The following PAG1 variants were observed in gnomAD, a reference collection of about 807,000 sequenced individuals.
The protein encoded by PAG1 is phosphoprotein associated with glycosphingolipid-enriched microdomains 1.
Under a neutral mutation model 31.7 loss-of-function variants are expected in PAG1, and 23 were observed. The observed-to-expected ratio is 0.73, with a 90% CI of 0.52 to 1.03. The LOEUF (loss-of-function observed/expected upper bound fraction) is 1.03. PAG1 is among the 50% of genes least tolerant of loss of function. The probability of loss-of-function intolerance (pLI) is 0.00; values close to 1 mark genes in which losing one functional copy is unlikely to be tolerated. For synonymous variants in PAG1, 214 were observed against 210.3 expected (o/e 1.02, Z -0.15); for missense variants, 473 against 540.7 (o/e 0.87, Z 1.24).
At chr8:81,064,609 C>T (rs1176099158) in intron 2 of PAG1, among the ~76,000 whole-genome samples, 2 of 152,172 alleles carry the variant, frequency 1.3e-5, no homozygotes, top group Admixed American at 6.5e-5. Context: ...TTAACATAAA[C>T]GGTTAGATTC....
At chr8:81,014,776 C>T (rs1398282994) in intron 3 of PAG1, among the ~76,000 whole-genome samples, 3 of 152,182 alleles carry the variant, frequency 2.0e-5, no homozygotes, top group African/African-American at 2.4e-5. Context: ...TTCTTAATCA[C>T]TCCACCACTA....
At chr8:81,046,688 A>C (rs1487941180) in intron 2 of PAG1, among the ~76,000 whole-genome samples, 1 of 152,016 alleles carries the variant, frequency 6.6e-6, no homozygotes, top group Non-Finnish European at 1.5e-5. Context: ...TTAAATTTCC[A>C]ATTTTTATTT....
intron 2 of PAG1, among the ~76,000 whole-genome samples, chr8:81,051,990 C>T (rs1337270055): frequency 6.6e-6 from 1 of 151,648 alleles, no homozygotes. Flanking sequence ...ATTAGCCGGG[C>T]GTGGTGGTGG....
In PAG1 at chr8:80,990,885, C is replaced by T. The variant is rs905647728; in HGVS notation, c.177+594G>A. ...CATTTGGAAATAGGGTCATTGCAGA[C>T]GAAGCTAGTTAATATGAGGTCGTGC... On this transcript the variant is annotated intron_variant, in intron 5 of 8. Transcript: ENST00000220597. This position sits in a 1 kb window ranked among gnomAD's most constrained non-coding sequence, Gnocchi z 5.1. Among the ~76,000 whole-genome samples, 13 of 152,116 alleles carry T rather than the reference C, an allele frequency of 8.5e-5. No individual in the cohort carries two copies. Among genetic ancestry groups the T allele is most frequent in the Admixed American group, 3.9e-4 (6 of 15,272 alleles).
intron 1 of PAG1, among the ~76,000 whole-genome samples, chr8:81,078,237 A>C (rs1455209778): frequency 3.9e-5 from 6 of 152,238 alleles, no homozygotes; most frequent in African/African-American, 1.2e-4. Flanking sequence ...CAAAAGTATT[A>C]AAACCTATTA....
chr8:81,108,434 A>AT (rs925929023), intron 1 of PAG1, among the ~76,000 whole-genome samples: 8 of 150,686 alleles, frequency 5.3e-5, no homozygotes, highest in African/African-American at 1.2e-4. Flanking sequence ...AAGAGTTTTG[A>AT]TTTTTTTTTT....
chr8:81,103,365 G>A lies in PAG1; in HGVS notation c.-234+8226C>T, dbSNP rs572038987. Among the ~76,000 whole-genome samples the A allele has an allele frequency of 3.9e-5, 6 of 152,268 alleles. No individual in the cohort carries two copies. The South Asian group carries it at 1.2e-3, about 32-fold the overall frequency. On this transcript the variant is annotated intron_variant, in intron 1 of 8. Coordinates refer to ENST00000220597, the MANE Select transcript of PAG1 (RefSeq NM_018440.4). ...CACAAAGATACAGCAACATGATGGA[G>A]TGGTACGAACCCAGGACACCTCATT...
intron 1 of PAG1, among the ~76,000 whole-genome samples, chr8:81,078,497 G>T (rs963786774): frequency 6.6e-6 from 1 of 151,552 alleles, no homozygotes; most frequent in African/African-American, 2.4e-5. Context: ...GTTCTCCAAA[G>T]AGACACATCT....
At chr8:81,052,994 T>C (rs1026511045) in intron 2 of PAG1, among the ~76,000 whole-genome samples, 1 of 152,254 alleles carries the variant, frequency 6.6e-6, no homozygotes, top group African/African-American at 2.4e-5. Flanking sequence ...TTTCAAAGTT[T>C]ATTTATTTTT....
At chr8:81,107,428 A>C (rs1159163975) in intron 1 of PAG1, among the ~76,000 whole-genome samples, 2 of 152,224 alleles carry the variant, frequency 1.3e-5, no homozygotes, top group Admixed American at 6.5e-5. Context: ...ACAAAGGCTC[A>C]AAAATCAGTG....
intron 2 of PAG1, among the ~76,000 whole-genome samples, chr8:81,049,875 A>AG (rs1362749779): frequency 2.0e-5 from 3 of 152,202 alleles, no homozygotes; most frequent in African/African-American, 7.2e-5. Flanking sequence ...GCTGACTCCC[A>AG]GTAGTTAATC....
chr8:81,015,517 T>C (rs1357826562), intron 3 of PAG1, among the ~76,000 whole-genome samples: 2 of 152,220 alleles, frequency 1.3e-5, no homozygotes, highest in African/African-American at 4.8e-5. Context: ...GGAAAGAATG[T>C]ATAATGTTTA....
intron 3 of PAG1, among the ~76,000 whole-genome samples, chr8:81,013,968 C>CT (rs1274237998): frequency 6.6e-6 from 1 of 152,180 alleles, no homozygotes; most frequent in Non-Finnish European, 1.5e-5. Flanking sequence ...TCAGGGATCT[C>CT]TGAGATCTCT....
In PAG1 at chr8:81,076,093, A is replaced by AT. The variant is rs143440610; in HGVS notation, c.-233-5924_-233-5923insA. On this transcript the variant is annotated intron_variant, in intron 1 of 8. Transcript: ENST00000220597. ...TGAACACAATCTCTGTTGGTTGGTG[A>AT]CCTGGCCTCCGGGAACAGAACCTGT... Among the ~76,000 whole-genome samples the AT allele has an allele frequency of 8.4e-3, 1,276 of 152,334 alleles. 12 individuals are homozygous for AT. The highest frequency in any genetic ancestry group is 0.029 in the African/African-American group (1,199 of 41,566).
intron 2 of PAG1, among the ~76,000 whole-genome samples, chr8:81,064,907 A>C (rs1015572533): frequency 2.0e-5 from 3 of 152,222 alleles, no homozygotes; most frequent in Admixed American, 2.0e-4. Context: ...AGTGAATGGC[A>C]TTTATATGCT....
chr8:81,012,354 A>G (rs923243465), intron 3 of PAG1, among the ~76,000 whole-genome samples: 1 of 152,194 alleles, frequency 6.6e-6, no homozygotes, highest in East Asian at 1.9e-4. Flanking sequence ...CCTTCCAAAC[A>G]TGTGCCTATG....
intron 2 of PAG1, among the ~76,000 whole-genome samples, chr8:81,043,738 T>C (rs1167931827): frequency 1.3e-5 from 2 of 152,240 alleles, no homozygotes; most frequent in East Asian, 3.8e-4. Flanking sequence ...TGAAAGGGCA[T>C]GCACATTTTC....
chr8:81,083,734 CA>C (rs2131026713), intron 1 of PAG1, among the ~76,000 whole-genome samples: 2 of 152,200 alleles, frequency 1.3e-5, no homozygotes, highest in East Asian at 1.9e-4. Flanking sequence ...CCTTCTTCAT[CA>C]GGAATATATG....
Position 80,980,513 on chromosome 8 carries a change from G to A in PAG1, c.877-19C>T, listed in dbSNP as rs1331552276. ...TAAATCTCTGTCAGAACAAACACAAGCCAAGGAAAGTAATTCAGCGTTAAC... is the reference window on the plus strand; with the variant it reads ...TAAATCTCTGTCAGAACAAACACAAACCAAGGAAAGTAATTCAGCGTTAAC... On this transcript the variant is annotated intron_variant, in intron 7 of 8. Transcript: ENST00000220597. The A allele has an allele frequency of 6.5e-7, 1 of 1,547,614 alleles. No homozygotes were observed. Among genetic ancestry groups the A allele is most frequent in the South Asian group, 1.1e-5 (1 of 89,392 alleles).
Sources: allele counts gnomAD v4.1 joint callset (sites outside exome capture counted in the v4.1 genomes callset), GRCh38; gene constraint gnomAD v4.1.1; non-coding constraint Gnocchi (gnomAD v3.1); transcripts MANE v1.5; gene names NCBI Gene and HGNC (gene_info 2026-07-23, HGNC 2026-07-21).